Variants in SDK1 observed in about 807,000 individuals in gnomAD.
The protein encoded by SDK1 is protein sidekick-1.
Under a neutral mutation model 245.5 loss-of-function variants are expected in SDK1, and 157 were observed. The ratio of observed to expected loss-of-function variants is 0.64; its 90% CI spans 0.56 to 0.73. The LOEUF (loss-of-function observed/expected upper bound fraction) is 0.73. Ranked by LOEUF, SDK1 falls within the 30% of genes least tolerant of loss-of-function variation. SDK1 has a pLI of 0.00. For missense variants in SDK1, 3,583 were observed against 3,002.3 expected, an observed-to-expected ratio of 1.19 and a Z score of -4.52; for synonymous variants, 1,647 against 1,278.5, an observed-to-expected ratio of 1.29 and a Z score of -6.15.
At chr7:3,786,777 CA>C (rs796737154) in intron 4 of SDK1, among the ~76,000 whole-genome samples, 10 of 152,250 alleles carry the variant, frequency 6.6e-5, no homozygotes, top group African/African-American at 2.4e-4. Flanking sequence ...CTGTGCTTTA[CA>C]GTTTTCCTTT....
At chr7:3,642,205 A>T in intron 4 of SDK1, 100 bp downstream of exon 4, 1 of 1,141,300 alleles carries the variant, frequency 8.8e-7, no homozygotes, top group Non-Finnish European at 1.2e-6. Flanking sequence ...CCGATGATTT[A>T]AAAAGAGCAA....
At chr7:3,576,022 CA>C (rs1467278678) in intron 1 of SDK1, among the ~76,000 whole-genome samples, 1 of 151,746 alleles carries the variant, frequency 6.6e-6, no homozygotes, top group Non-Finnish European at 1.5e-5. Context: ...GGACTATGTT[CA>C]AAAGGTAAAG....
chr7:3,819,618 A>G (rs1321482098), intron 4 of SDK1, among the ~76,000 whole-genome samples: 2 of 152,126 alleles, frequency 1.3e-5, no homozygotes, highest in Non-Finnish European at 2.9e-5. Flanking sequence ...GTTCTATAAA[A>G]GAATCTATAA....
chr7:3,302,723 A>C (rs1436203975), intron 1 of SDK1, among the ~76,000 whole-genome samples: 1 of 152,000 alleles, frequency 6.6e-6, no homozygotes, highest in Non-Finnish European at 1.5e-5. Context: ...CCCAGAAATA[A>C]CTATTTTAAT....
chr7:3,496,738 T>A (rs963698677), intron 1 of SDK1, among the ~76,000 whole-genome samples: 1 of 152,238 alleles, frequency 6.6e-6, no homozygotes, highest in Non-Finnish European at 1.5e-5. Flanking sequence ...CATTTTCATT[T>A]GTTACATTCT....
At chr7:3,531,344 G>T (rs1261732914) in intron 1 of SDK1, among the ~76,000 whole-genome samples, 1 of 152,034 alleles carries the variant, frequency 6.6e-6, no homozygotes, top group African/African-American at 2.4e-5. Context: ...TTTCGACTTA[G>T]GTTATTTAGT....
At chr7:3,978,226 C>T (rs935816300) in intron 13 of SDK1, among the ~76,000 whole-genome samples, 4 of 152,110 alleles carry the variant, frequency 2.6e-5, no homozygotes, top group Admixed American at 6.6e-5. Context: ...TAAGCGTTAG[C>T]AGTTCATAAA....
In SDK1 at chr7:4,267,158, A is replaced by C; in HGVS notation, c.*1774A>C. On this transcript the variant is annotated 3_prime_UTR_variant, in exon 45 of 45. Coordinates refer to ENST00000404826, the MANE Select transcript of SDK1 (RefSeq NM_152744.4). ...CTTTCCAAAATTAGAGGGTATGGCA[A>C]GTTTCCTTTTTTCTCTCCTCCCTTC... 4.1e-6 allele frequency: 4 copies of C among 984,920 alleles called. No individual in the cohort carries two copies. Among genetic ancestry groups the C allele is most frequent in the Non-Finnish European group, 4.8e-6 (4 of 829,656 alleles). 61.0% of individuals were successfully genotyped at this position (984,920 alleles called of 1,614,324 possible).
chr7:3,430,949 G>A (rs1779827881), intron 1 of SDK1, among the ~76,000 whole-genome samples: 1 of 152,202 alleles, frequency 6.6e-6, no homozygotes, highest in African/African-American at 2.4e-5. Context: ...TGCTCAGGAT[G>A]GAGTGCAGTG....
At chr7:4,225,317 G>A (rs764433437) in intron 40 of SDK1, among the ~76,000 whole-genome samples, 9 of 152,116 alleles carry the variant, frequency 5.9e-5, no homozygotes, top group Admixed American at 1.3e-4. Context: ...TATGTTTAGC[G>A]TCAAGTAATC....
At chr7:3,819,823 C>G (rs1230354832) in intron 4 of SDK1, among the ~76,000 whole-genome samples, 1 of 151,958 alleles carries the variant, frequency 6.6e-6, no homozygotes, top group East Asian at 1.9e-4. Flanking sequence ...GTGTAAAAAT[C>G]AAGAGTTTTT....
chr7:3,448,210 G>C (rs2128590791), intron 1 of SDK1, among the ~76,000 whole-genome samples: 1 of 152,204 alleles, frequency 6.6e-6, no homozygotes, highest in Middle Eastern at 3.4e-3. Flanking sequence ...AAGCAAATGT[G>C]ATCGGTGAAA....
At chr7:3,814,873 C>G (rs1008662665) in intron 4 of SDK1, among the ~76,000 whole-genome samples, 19 of 152,014 alleles carry the variant, frequency 1.2e-4, no homozygotes, top group African/African-American at 4.3e-4. Context: ...CTCTTTGAAG[C>G]AATTGTGAAT....
intron 1 of SDK1, among the ~76,000 whole-genome samples, chr7:3,591,921 T>G (rs1780887820): frequency 1.3e-5 from 2 of 152,130 alleles, no homozygotes; most frequent in South Asian, 4.1e-4. Context: ...AGGACTGGGG[T>G]CAATAAATTT....
intron 1 of SDK1, among the ~76,000 whole-genome samples, chr7:3,435,565 G>A (rs113036507): frequency 0.16 from 24,214 of 151,390 alleles, 3,258 homozygotes; most frequent in African/African-American, 0.37. Context: ...GGGTTTCACC[G>A]TGTTGTCCAG....
At chr7:3,370,083 G>A (rs958053526) in intron 1 of SDK1, among the ~76,000 whole-genome samples, 3 of 152,128 alleles carry the variant, frequency 2.0e-5, no homozygotes, top group African/African-American at 7.2e-5. Context: ...TATGAACATC[G>A]GCCTAAGTTA....
intron 1 of SDK1, among the ~76,000 whole-genome samples, chr7:3,483,560 C>G (rs1337596879): frequency 1.3e-5 from 2 of 152,132 alleles, no homozygotes; most frequent in Non-Finnish European, 2.9e-5. Context: ...TATCTTATTG[C>G]AATCCCTGCA....
chr7:3,532,271 G>C (rs1463091903), intron 1 of SDK1, among the ~76,000 whole-genome samples: 2 of 152,144 alleles, frequency 1.3e-5, no homozygotes, highest in African/African-American at 4.8e-5. Context: ...TGTTGTTTCT[G>C]GTAAGCCAGG....
chr7:3,543,523 C>T (rs1779116185), intron 1 of SDK1, among the ~76,000 whole-genome samples: 1 of 152,210 alleles, frequency 6.6e-6, no homozygotes, highest in East Asian at 1.9e-4. Flanking sequence ...TTGCAGGGGC[C>T]ACCTCTACTC....
Sources: gnomAD v4.1 joint callset for allele counts (sites outside exome capture counted in the v4.1 genomes callset) on GRCh38, gnomAD v4.1.1 for gene constraint, MANE v1.5 for transcripts, NCBI Gene and HGNC (gene_info 2026-07-23, HGNC 2026-07-21) for gene names.